The following SYCP1 variants were observed in gnomAD, a reference collection of about 807,000 sequenced individuals.
The protein encoded by SYCP1 is cancer/testis antigen 8.
In SYCP1, 64 loss-of-function variants were observed where a neutral mutation model predicts 153.1. That is an observed-to-expected ratio of 0.42 (90% CI 0.34 to 0.51). The LOEUF (loss-of-function observed/expected upper bound fraction) is 0.51. SYCP1 is among the 20% of genes least tolerant of loss of function. The probability of loss-of-function intolerance (pLI) is 0.06; values close to 1 mark genes in which losing one functional copy is unlikely to be tolerated. For synonymous variants in SYCP1, 384 were observed against 341.8 expected, an observed-to-expected ratio of 1.12 and a Z score of -1.36; for missense variants, 997 against 1,049.0, an observed-to-expected ratio of 0.95 and a Z score of 0.68.
intron 16 of SYCP1, among the ~76,000 whole-genome samples, chr1:114,899,160 T>C (rs774955276): frequency 4.0e-4 from 61 of 152,368 alleles, no homozygotes; most frequent in Non-Finnish European, 7.5e-4. Flanking sequence ...ATTGCACTGA[T>C]GCAAACAACT....
intron 15 of SYCP1, among the ~76,000 whole-genome samples, chr1:114,888,496 A>G (rs1320010155): frequency 6.6e-6 from 1 of 151,776 alleles, no homozygotes; most frequent in Non-Finnish European, 1.5e-5. Context: ...GAACTTTTGG[A>G]CCATATTTAT....
intron 19 of SYCP1, among the ~76,000 whole-genome samples, chr1:114,913,378 T>C (rs1328004533): frequency 6.6e-6 from 1 of 152,026 alleles, no homozygotes; most frequent in Non-Finnish European, 1.5e-5. Context: ...GTTAATTTAA[T>C]TTTAGGCATC....
intron 5 of SYCP1, 49 bp downstream of exon 5, chr1:114,857,546 C>G (rs535807362): frequency 7.6e-7 from 1 of 1,321,954 alleles, no homozygotes; most frequent in Non-Finnish European, 1.1e-6. Flanking sequence ...TGGAATATAA[C>G]TTATTACCTA....
intron 23 of SYCP1, among the ~76,000 whole-genome samples, chr1:114,936,803 A>C (rs1670041708): frequency 6.6e-6 from 1 of 152,204 alleles, no homozygotes; most frequent in Non-Finnish European, 1.5e-5. Context: ...CAATTGCTTC[A>C]AAGAGAATAA....
intron 16 of SYCP1, among the ~76,000 whole-genome samples, chr1:114,909,924 T>C (rs1185929344): frequency 6.6e-6 from 1 of 152,232 alleles, no homozygotes; most frequent in Non-Finnish European, 1.5e-5. Context: ...GCTAGTGTTA[T>C]CTTTTAAAAT....
At chr1:114,981,549 TTAAATAAA>T (rs760813495) in intron 29 of SYCP1, 37 bp downstream of exon 29, 1 of 1,526,688 alleles carries the variant, frequency 6.6e-7, no homozygotes, top group Non-Finnish European at 8.8e-7. Context: ...TAGTAATTTT[TTAAATAAA>T]TAAATAAAGT....
At chr1:114,961,333 T>C (rs1671769619) in intron 27 of SYCP1, among the ~76,000 whole-genome samples, 2 of 152,228 alleles carry the variant, frequency 1.3e-5, no homozygotes. Context: ...TTTGTTTCAA[T>C]TTCATTTAGT....
At chr1:114,977,792 A>C in intron 28 of SYCP1, 176 bp downstream of exon 28, 1 of 404,630 alleles carries the variant, frequency 2.5e-6, no homozygotes, top group East Asian at 4.5e-5. Flanking sequence ...TAAAAATTTC[A>C]AAATTTTGTC....
chr1:114,859,653 A>T, intron 6 of SYCP1, 90 bp from the exon 7 acceptor site: 1 of 614,422 alleles, frequency 1.6e-6, no homozygotes, highest in South Asian at 2.5e-5. Flanking sequence ...ACCATTGTGT[A>T]TTAGTAAAGA....
chr1:114,931,505 A>G (rs1395155252), intron 23 of SYCP1, among the ~76,000 whole-genome samples: 1 of 152,154 alleles, frequency 6.6e-6, no homozygotes, highest in Non-Finnish European at 1.5e-5. Flanking sequence ...AATCCATTAA[A>G]TAGGGATAAA....
At chr1:114,873,675 T>A (rs1421398465) in intron 8 of SYCP1, among the ~76,000 whole-genome samples, 8 of 152,188 alleles carry the variant, frequency 5.3e-5, no homozygotes, top group Admixed American at 1.3e-4. Flanking sequence ...CCTATGTTCA[T>A]TGTGAGAAAC....
chr1:114,947,774 T>C (rs981260909), intron 27 of SYCP1, among the ~76,000 whole-genome samples: 3 of 113,024 alleles, frequency 2.7e-5, no homozygotes, highest in Non-Finnish European at 4.9e-5. Flanking sequence ...ATCGCGCCAC[T>C]GCACTCTAGC....
At chr1:114,943,326 G>T (rs1362159823) in intron 23 of SYCP1, among the ~76,000 whole-genome samples, 1 of 151,836 alleles carries the variant, frequency 6.6e-6, no homozygotes, top group Admixed American at 6.6e-5. Context: ...GTGTGTACCA[G>T]TCCCAAAATG....
intron 17 of SYCP1, among the ~76,000 whole-genome samples, 177 bp downstream of exon 17, chr1:114,910,678 T>A (rs540899059): frequency 2.2e-4 from 33 of 152,308 alleles, no homozygotes; most frequent in African/African-American, 7.7e-4. Flanking sequence ...AACCCCCATA[T>A]TATAATGTGA....
intron 15 of SYCP1, among the ~76,000 whole-genome samples, chr1:114,888,749 C>A (rs1022268651): frequency 5.9e-5 from 9 of 152,068 alleles, no homozygotes; most frequent in Middle Eastern, 3.4e-3. Context: ...TACATGTGCA[C>A]AACGTGTAGG....
rs78489940 is a variant in SYCP1 at position 114,991,669 on chromosome 1, G to A, written c.2704-3029G>A. On this transcript the variant is annotated intron_variant, in intron 30 of 31. Transcript: ENST00000369522. ...GGAAATCTCCTCAACATGATAAAGG[G>A]TATTTATGGAAACCCCTAGCTAACA... Among the ~76,000 whole-genome samples the A allele has an allele frequency of 8.2e-3, 1,248 of 151,818 alleles. 18 individuals are homozygous for A. The highest frequency in any genetic ancestry group is 0.028 in the African/African-American group (1,174 of 41,468).
At chr1:114,927,539 C>G (rs988773904) in intron 23 of SYCP1, among the ~76,000 whole-genome samples, 1 of 152,040 alleles carries the variant, frequency 6.6e-6, no homozygotes, top group Admixed American at 6.6e-5. Context: ...GAAATGGAAA[C>G]TGAAAATAAT....
rs192464846 is a variant in SYCP1, at chr1:114,919,688, G to A, written c.1719-3761G>A. ...GCTTTGATCTTATTACTTGTTTTTCGTCTGTTCAGGTTTTAGATTTCTTCA... is the reference window on the plus strand; with the variant it reads ...GCTTTGATCTTATTACTTGTTTTTCATCTGTTCAGGTTTTAGATTTCTTCA... On this transcript the variant is annotated intron_variant, in intron 20 of 31. Coordinates refer to ENST00000369522, the MANE Select transcript of SYCP1 (RefSeq NM_003176.4). Among the ~76,000 whole-genome samples, 68 of 151,970 alleles carry A rather than the reference G, an allele frequency of 4.5e-4. No homozygotes were observed. In the East Asian group the frequency reaches 8.1e-3, roughly 18 times the overall value.
At chr1:114,859,670 G>T in intron 6 of SYCP1, 73 bp from the exon 7 acceptor site, 2 of 809,428 alleles carry the variant, frequency 2.5e-6, no homozygotes, top group Non-Finnish European at 3.4e-6. Context: ...AAGAAATACT[G>T]CTTAATGATT....
Sources: gnomAD v4.1 joint callset for allele counts (sites outside exome capture counted in the v4.1 genomes callset) on GRCh38, gnomAD v4.1.1 for gene constraint, MANE v1.5 for transcripts, NCBI Gene and HGNC (gene_info 2026-07-23, HGNC 2026-07-21) for gene names.